The following DLGAP2 variants were observed in gnomAD, a reference collection of about 807,000 sequenced individuals.
DLGAP2 encodes the protein DLG associated protein 2.
DLGAP2 carries 26 observed loss-of-function variants against 100.3 expected under a neutral mutation model. That is an observed-to-expected ratio of 0.26 (90% CI 0.19 to 0.36). DLGAP2 has a LOEUF of 0.36. Among genes scored for constraint, DLGAP2 ranks in the 10% least tolerant of loss-of-function variants. The pLI is 1.00. For synonymous variants in DLGAP2, 886 were observed against 630.1 expected (o/e 1.41, Z -6.08); for missense variants, 1,858 against 1,453.2 (o/e 1.28, Z -4.53).
At chr8:1,491,402 G>A (rs1473154534) in intron 3 of DLGAP2, among the ~76,000 whole-genome samples, 1 of 152,270 alleles carries the variant, frequency 6.6e-6, no homozygotes, top group Non-Finnish European at 1.5e-5. Flanking sequence ...TGACCTCGGA[G>A]GCTTCCGGCT....
chr8:1,059,109 T>C lies in DLGAP2; in HGVS notation c.73+151143T>C, dbSNP rs535645240. On this transcript the variant is annotated intron_variant, in intron 2 of 14. Coordinates refer to ENST00000637795, the MANE Select transcript of DLGAP2 (RefSeq NM_001346810.2). ...AACCTCAGGTTCGCCCATCTCTCTG[T>C]GTCCAGTGGGAGTCCTAAAGCCAGC... Among the ~76,000 whole-genome samples the C allele has an allele frequency of 1.4e-4, 21 of 152,256 alleles. 1 individual carries two copies. Among genetic ancestry groups the C allele is most frequent in the African/African-American group, 5.1e-4 (21 of 41,564 alleles).
intron 6 of DLGAP2, among the ~76,000 whole-genome samples, chr8:1,624,458 T>A (rs547184537): frequency 3.3e-3 from 506 of 152,012 alleles, no homozygotes; most frequent in Non-Finnish European, 5.0e-3. Context: ...CACAGGCACG[T>A]GGACACATTC....
At chr8:1,552,344 G>C (rs960574436) in intron 5 of DLGAP2, among the ~76,000 whole-genome samples, 2 of 152,186 alleles carry the variant, frequency 1.3e-5, no homozygotes, top group African/African-American at 4.8e-5. Context: ...CCGCCTCCCA[G>C]TGAAACCACC....
chr8:1,386,565 G>GTTC (rs1349375084), intron 3 of DLGAP2, among the ~76,000 whole-genome samples: 2 of 152,218 alleles, frequency 1.3e-5, no homozygotes, highest in Non-Finnish European at 2.9e-5. Context: ...TGAGAGTGGA[G>GTTC]TAAGAGGGCC....
chr8:1,568,783 G>C (rs1294080879), intron 6 of DLGAP2, among the ~76,000 whole-genome samples: 1 of 54,254 alleles, frequency 1.8e-5, no homozygotes, highest in African/African-American at 7.9e-5. Context: ...ACACAAATCC[G>C]TCTCTGCCCG....
chr8:1,419,205 C>CGT (rs59073892), intron 3 of DLGAP2, among the ~76,000 whole-genome samples: 7,834 of 73,650 alleles, frequency 0.11, 350 homozygotes, highest in African/African-American at 0.22. Flanking sequence ...CTGATGCGTG[C>CGT]GTGTGTGTGT....
At chr8:1,139,893 G>C (rs75265730) in intron 2 of DLGAP2, among the ~76,000 whole-genome samples, 16,934 of 152,130 alleles carry the variant, frequency 0.11, 1,095 homozygotes, top group East Asian at 0.25. Flanking sequence ...AGGGAAATCG[G>C]GGGGAAGTGA....
chr8:862,388 C>T (rs554841975), intron 1 of DLGAP2, among the ~76,000 whole-genome samples: 24 of 152,030 alleles, frequency 1.6e-4, no homozygotes, highest in South Asian at 2.1e-4. Flanking sequence ...CTGCGGCCTC[C>T]GCCTTCCGGG....
Position 1,676,586 on chromosome 8 carries a change from C to G in DLGAP2, c.2256C>G (p.His752Gln), listed in dbSNP as rs1209324864. 6.2e-7 allele frequency: 1 copy of G among 1,613,390 alleles called. No homozygotes were observed. Among genetic ancestry groups the G allele is most frequent in the East Asian group, 2.2e-5 (1 of 44,884 alleles). Residue 752 changes from histidine (H) to glutamine (Q), a missense_variant, in exon 11 of 15, where the codon CAC (histidine) becomes CAG (glutamine). Physicochemically the swap from His to Gln is conservative, Grantham distance 24. Coordinates refer to ENST00000637795, the MANE Select transcript of DLGAP2 (RefSeq NM_001346810.2). ...DTESRGLREY[H>Q]SVGVQVEDEK... Reference sequence around the variant, plus strand: ...AGAGCCGCGGTCTGCGGGAATACCACTCTGTCGGGGTGCAAGTGGAAGATG... The same window carrying G: ...AGAGCCGCGGTCTGCGGGAATACCAGTCTGTCGGGGTGCAAGTGGAAGATG...
At chr8:1,527,662 G>A (rs1380242355) in intron 4 of DLGAP2, among the ~76,000 whole-genome samples, 3 of 152,254 alleles carry the variant, frequency 2.0e-5, no homozygotes, top group Non-Finnish European at 2.9e-5. Flanking sequence ...GGAACGGAAC[G>A]GAAATATTCA....
intron 2 of DLGAP2, among the ~76,000 whole-genome samples, chr8:1,159,181 G>C (rs150340997): frequency 2.2e-4 from 33 of 152,286 alleles, no homozygotes; most frequent in African/African-American, 7.7e-4. Flanking sequence ...CAAGGTTGAG[G>C]TCTCTGCATT....
chr8:1,463,412 CATGGCT>C (rs1203463903), intron 3 of DLGAP2, among the ~76,000 whole-genome samples: 18 of 152,338 alleles, frequency 1.2e-4, no homozygotes, highest in African/African-American at 3.8e-4. Context: ...GAGAACCCAG[CATGGCT>C]ATGTAGTGTG....
At chr8:913,426 A>G (rs1316715824) in intron 2 of DLGAP2, among the ~76,000 whole-genome samples, 7 of 152,248 alleles carry the variant, frequency 4.6e-5, no homozygotes, top group Non-Finnish European at 1.0e-4. Context: ...TCAAAGGACA[A>G]CAGTTTGCGA....
rs372810228 is a variant in DLGAP2 at position 1,044,283 on chromosome 8, A to G, written c.73+136317A>G. Among the ~76,000 whole-genome samples, 64 of 152,340 alleles carry G rather than the reference A, an allele frequency of 4.2e-4. No homozygotes were observed. In the South Asian group the frequency reaches 0.012, roughly 30 times the overall value. On this transcript the variant is annotated intron_variant, in intron 2 of 14. Coordinates refer to ENST00000637795, the MANE Select transcript of DLGAP2 (RefSeq NM_001346810.2). ...ATGGAATATGTAAGAAAATGAAAAG[A>G]TGGGGGTTCATGATTGCAAACTCTC...
chr8:1,041,415 CAG>C (rs1207870195), intron 2 of DLGAP2, among the ~76,000 whole-genome samples: 6 of 152,238 alleles, frequency 3.9e-5, no homozygotes, highest in Admixed American at 2.0e-4. Flanking sequence ...CGGGAGGAGA[CAG>C]AGCCTGTTTC....
At chr8:1,135,898 C>T (rs1796400457) in intron 2 of DLGAP2, among the ~76,000 whole-genome samples, 1 of 152,158 alleles carries the variant, frequency 6.6e-6, no homozygotes, top group African/African-American at 2.4e-5. Flanking sequence ...GTCGTGTAAT[C>T]ACAAGCAATC....
chr8:797,463 C>A (rs1271903706), intron 1 of DLGAP2, among the ~76,000 whole-genome samples: 1 of 152,142 alleles, frequency 6.6e-6, no homozygotes, highest in Non-Finnish European at 1.5e-5. Flanking sequence ...TGGATGGACT[C>A]CTGGCTGTTG....
chr8:1,355,341 A>G (rs528544572), intron 3 of DLGAP2, among the ~76,000 whole-genome samples: 59 of 152,182 alleles, frequency 3.9e-4, no homozygotes, highest in African/African-American at 1.4e-3. Context: ...TTGTTTTTTT[A>G]TCTAAGCAAG....
chr8:1,164,601 G>C (rs915801014), intron 2 of DLGAP2, among the ~76,000 whole-genome samples: 3 of 151,974 alleles, frequency 2.0e-5, no homozygotes, highest in Admixed American at 6.6e-5. Flanking sequence ...ATGCCACAAA[G>C]CCCAAGTCAG....
Sources: allele counts gnomAD v4.1 joint callset (sites outside exome capture counted in the v4.1 genomes callset), GRCh38; gene constraint gnomAD v4.1.1; transcripts MANE v1.5; gene names NCBI Gene and HGNC (gene_info 2026-07-23, HGNC 2026-07-21).